Variants in PEBP4 observed in about 807,000 individuals in gnomAD.
PEBP4 encodes phosphatidylethanolamine-binding protein 4.
In PEBP4, 22 loss-of-function variants were observed where a neutral mutation model predicts 23.9. The ratio of observed to expected loss-of-function variants is 0.92; its 90% confidence interval spans 0.66 to 1.31. The LOEUF (loss-of-function observed/expected upper bound fraction) is 1.31. Ranked by LOEUF, PEBP4 falls within the 40% of genes most tolerant of loss-of-function variation. The pLI, the probability that PEBP4 is intolerant of heterozygous loss-of-function variation, is 0.00. For missense variants in PEBP4, 324 were observed against 281.7 expected, an observed-to-expected ratio of 1.15 and a Z score of -1.07; for synonymous variants, 112 against 99.3, an observed-to-expected ratio of 1.13 and a Z score of -0.76.
intron 4 of PEBP4, among the ~76,000 whole-genome samples, chr8:22,746,939 T>C (rs142680610): frequency 3.7e-4 from 56 of 152,262 alleles, no homozygotes; most frequent in Non-Finnish European, 6.3e-4. Context: ...GATCTTCCCA[T>C]GTCAGCCTCC....
chr8:22,727,338 GAGA>G (rs1178613101), intron 4 of PEBP4, 118 bp from the exon 5 acceptor site: 15 of 1,000,292 alleles, frequency 1.5e-5, no homozygotes, highest in Non-Finnish European at 2.0e-5. Flanking sequence ...AGGAGGATGG[GAGA>G]AGAAGTAGGA....
chr8:22,720,644 A>T (rs1402960115), intron 6 of PEBP4, among the ~76,000 whole-genome samples: 2 of 152,198 alleles, frequency 1.3e-5, no homozygotes, highest in Non-Finnish European at 2.9e-5. Context: ...GGCCTTTGGG[A>T]CAAGCGTCAC....
At chr8:22,815,883 G>GCC (rs1806730625) in intron 4 of PEBP4, among the ~76,000 whole-genome samples, 1 of 152,170 alleles carries the variant, frequency 6.6e-6, no homozygotes, top group Non-Finnish European at 1.5e-5. Context: ...AAGAGAGGCA[G>GCC]CCTCATGGTC....
chr8:22,898,272 A>G (rs892870089), intron 3 of PEBP4, among the ~76,000 whole-genome samples: 11 of 151,742 alleles, frequency 7.2e-5, no homozygotes, highest in Non-Finnish European at 2.9e-5. Context: ...GGTGCCTGTG[A>G]TCCCAGCTAC....
chr8:22,903,352 G>A (rs1808748316), intron 3 of PEBP4, among the ~76,000 whole-genome samples: 1 of 152,168 alleles, frequency 6.6e-6, no homozygotes, highest in Non-Finnish European at 1.5e-5. Context: ...GAGTAAATGA[G>A]CTAATATTTC....
intron 6 of PEBP4, among the ~76,000 whole-genome samples, chr8:22,719,598 G>A (rs541950586): frequency 6.6e-6 from 1 of 152,364 alleles, no homozygotes; most frequent in East Asian, 1.9e-4. Context: ...GGAGAGCGGG[G>A]ATGTAGGCAA....
chr8:22,854,503 G>C (rs1174541346), intron 3 of PEBP4, among the ~76,000 whole-genome samples: 5 of 152,126 alleles, frequency 3.3e-5, no homozygotes, highest in Non-Finnish European at 5.9e-5. Flanking sequence ...ATAGTGCCTT[G>C]ATAAGAGCCA....
In PEBP4 at chr8:22,891,189, G is replaced by A. The variant is rs151263104; in HGVS notation, c.258+28995C>T. On this transcript the variant is annotated intron_variant, in intron 3 of 6. Transcript: ENST00000256404. ...TAATGACCTTGACACAATACCAGAT[G>A]TCCAATAAAGGTCAGCTGTGTTATA... is the stretch of plus-strand genomic sequence containing the variant. Among the ~76,000 whole-genome samples, 375 of 152,292 alleles carry A rather than the reference G, an allele frequency of 2.5e-3. 3 individuals are homozygous for A. Among genetic ancestry groups the A allele is most frequent in the African/African-American group, 8.6e-3 (359 of 41,562 alleles).
chr8:22,887,458 A>G (rs1808406767), intron 3 of PEBP4, among the ~76,000 whole-genome samples: 1 of 151,400 alleles, frequency 6.6e-6, no homozygotes, highest in South Asian at 2.1e-4. Flanking sequence ...CACTCCTAGT[A>G]TATTTTTATA....
chr8:22,780,448 A>G (rs1359083445), intron 4 of PEBP4, among the ~76,000 whole-genome samples: 1 of 151,944 alleles, frequency 6.6e-6, no homozygotes, highest in African/African-American at 2.4e-5. Flanking sequence ...TCCCCTCCCT[A>G]AGCACACACA....
chr8:22,890,714 G>A (rs532546510), intron 3 of PEBP4, among the ~76,000 whole-genome samples: 1 of 152,244 alleles, frequency 6.6e-6, no homozygotes, highest in Non-Finnish European at 1.5e-5. Flanking sequence ...TAGACAACAT[G>A]GGTTTGAGTC....
intron 3 of PEBP4, among the ~76,000 whole-genome samples, chr8:22,838,459 G>C (rs1807252460): frequency 6.6e-6 from 1 of 152,208 alleles, no homozygotes; most frequent in African/African-American, 2.4e-5. Flanking sequence ...CCTGCACCTT[G>C]GCTTGGGAGA....
At chr8:22,846,338 G>C (rs887851347) in intron 3 of PEBP4, among the ~76,000 whole-genome samples, 3 of 152,156 alleles carry the variant, frequency 2.0e-5, no homozygotes, top group African/African-American at 7.2e-5. Flanking sequence ...CTTTTGAGTG[G>C]AAAAGGGGAA....
At position 22,832,413 on chromosome 8, in the gene PEBP4, C is replaced by T. The variant is rs184748259; in HGVS notation, c.259-14678G>A. Among the ~76,000 whole-genome samples the T allele has an allele frequency of 1.1e-4, 17 of 152,300 alleles. No homozygotes were observed. In the East Asian group the frequency reaches 2.9e-3, roughly 26 times the overall value. ...CTAACTACAAAGCAGCAAGCAGGCC[C>T]TTGTCAGACACTGAATCTGCTGGCA... On this transcript the variant is annotated intron_variant, in intron 3 of 6. Coordinates refer to ENST00000256404, the MANE Select transcript of PEBP4 (RefSeq NM_144962.3).
At chr8:22,863,798 T>G (rs1807828454) in intron 3 of PEBP4, among the ~76,000 whole-genome samples, 1 of 152,162 alleles carries the variant, frequency 6.6e-6, no homozygotes, top group Non-Finnish European at 1.5e-5. Context: ...GCTGAAGGAC[T>G]AGGGAGATGT....
At chr8:22,790,356 G>C (rs1320062281) in intron 4 of PEBP4, among the ~76,000 whole-genome samples, 2 of 152,168 alleles carry the variant, frequency 1.3e-5, no homozygotes, top group Non-Finnish European at 2.9e-5. Context: ...ACCTCCTGAG[G>C]GGGTAGATAC....
chr8:22,842,527 G>A (rs973036536), intron 3 of PEBP4, among the ~76,000 whole-genome samples: 5 of 152,172 alleles, frequency 3.3e-5, no homozygotes, highest in African/African-American at 1.2e-4. Flanking sequence ...AAATATATGA[G>A]CCATGTCATC....
intron 4 of PEBP4, among the ~76,000 whole-genome samples, chr8:22,798,187 C>T (rs1054817090): frequency 6.6e-6 from 1 of 152,136 alleles, no homozygotes. Flanking sequence ...ACTCATCATG[C>T]TTTTTATTTT....
At chr8:22,791,406 T>C (rs546320538) in intron 4 of PEBP4, among the ~76,000 whole-genome samples, 6 of 152,242 alleles carry the variant, frequency 3.9e-5, no homozygotes, top group Non-Finnish European at 7.3e-5. Flanking sequence ...TCTCAAATTT[T>C]AATTTGGTAG....
Sources: allele counts gnomAD v4.1 joint callset (sites outside exome capture counted in the v4.1 genomes callset), GRCh38; gene constraint gnomAD v4.1.1; transcripts MANE v1.5; gene names NCBI Gene and HGNC (gene_info 2026-07-23, HGNC 2026-07-21).